TMEM132B: variants seen among roughly 807,000 people sequenced by gnomAD.
TMEM132B encodes transmembrane protein 132B.
TMEM132B carries 18 observed loss-of-function variants against 90.8 expected under a neutral mutation model. That is an observed-to-expected ratio of 0.20 (90% CI 0.14 to 0.29). The LOEUF (loss-of-function observed/expected upper bound fraction) is 0.29, where lower values mean the gene tolerates loss of function less well. Ranked by LOEUF, TMEM132B falls within the 10% of genes least tolerant of loss-of-function variation. TMEM132B has a pLI of 1.00. For missense variants in TMEM132B, 1,096 were observed against 1,326.8 expected, an observed-to-expected ratio of 0.83 and a Z score of 2.70; for synonymous variants, 504 against 523.3, an observed-to-expected ratio of 0.96 and a Z score of 0.50.
At chr12:125,509,448 C>T (rs1882925399) in intron 3 of TMEM132B, among the ~76,000 whole-genome samples, 1 of 152,172 alleles carries the variant, frequency 6.6e-6, no homozygotes, top group South Asian at 2.1e-4. Flanking sequence ...AGGAGAACAA[C>T]TAGGCCTCTC....
chr12:125,648,267 T>A (rs541300281), intron 6 of TMEM132B, among the ~76,000 whole-genome samples: 2 of 152,032 alleles, frequency 1.3e-5, no homozygotes, highest in African/African-American at 4.8e-5. Context: ...TATTCCATGG[T>A]GTATATGTGC....
chr12:125,576,906 G>A (rs1038336889), intron 4 of TMEM132B, among the ~76,000 whole-genome samples: 1 of 150,878 alleles, frequency 6.6e-6, no homozygotes, highest in East Asian at 1.9e-4. Flanking sequence ...GGGGGGTGGG[G>A]TTGGCATCTA....
chr12:125,589,269 T>G (rs1050345965), intron 5 of TMEM132B, among the ~76,000 whole-genome samples: 4 of 151,760 alleles, frequency 2.6e-5, no homozygotes, highest in African/African-American at 9.7e-5. Flanking sequence ...GATCACGAGG[T>G]CAGGAGATCG....
chr12:125,523,879 T>C (rs984087586), intron 4 of TMEM132B, among the ~76,000 whole-genome samples: 1 of 152,224 alleles, frequency 6.6e-6, no homozygotes, highest in Non-Finnish European at 1.5e-5. Flanking sequence ...TCATTGTGCT[T>C]GGCTCTTCCA....
At chr12:125,509,759 G>T (rs112266949) in intron 3 of TMEM132B, among the ~76,000 whole-genome samples, 1,802 of 152,234 alleles carry the variant, frequency 0.012, 12 homozygotes, top group Middle Eastern at 0.034. Context: ...CAGACCCCCA[G>T]TTCCAATCTG....
At chr12:125,294,548 C>G (rs12815275) in intron 1 of TMEM132B, among the ~76,000 whole-genome samples, 1 of 152,316 alleles carries the variant, frequency 6.6e-6, no homozygotes, top group East Asian at 1.9e-4. Flanking sequence ...ATTATGGCTG[C>G]CACTGAAGGT....
At chr12:125,228,088 C>T (rs1873721784) in intron 1 of TMEM132B, among the ~76,000 whole-genome samples, 1 of 152,196 alleles carries the variant, frequency 6.6e-6, no homozygotes, top group African/African-American at 2.4e-5. Flanking sequence ...CTCAGATCTG[C>T]TTCTGGGGGA....
chr12:125,322,901 G>A (rs1488661167), intron 1 of TMEM132B, among the ~76,000 whole-genome samples: 1 of 148,288 alleles, frequency 6.7e-6, no homozygotes, highest in Non-Finnish European at 1.5e-5. Context: ...TATATATGCT[G>A]TATATGTTTC....
intron 2 of TMEM132B, among the ~76,000 whole-genome samples, chr12:125,361,361 G>T (rs767548113): frequency 1.3e-5 from 2 of 152,014 alleles, no homozygotes; most frequent in Non-Finnish European, 2.9e-5. Flanking sequence ...AACCCAGATC[G>T]GCCCACTTCA....
At chr12:125,558,627 T>C (rs996546692) in intron 4 of TMEM132B, among the ~76,000 whole-genome samples, 1 of 152,224 alleles carries the variant, frequency 6.6e-6, no homozygotes, top group Non-Finnish European at 1.5e-5. Context: ...AAAAATTGAC[T>C]GAAGTACTTA....
intron 4 of TMEM132B, among the ~76,000 whole-genome samples, chr12:125,571,120 G>T (rs536846359): frequency 5.9e-5 from 9 of 152,228 alleles, no homozygotes; most frequent in African/African-American, 1.9e-4. Context: ...AAATGCGATT[G>T]TTAGGTTTGT....
At chr12:125,365,891 A>G (rs1211244353) in intron 2 of TMEM132B, among the ~76,000 whole-genome samples, 2 of 152,052 alleles carry the variant, frequency 1.3e-5, no homozygotes, top group Non-Finnish European at 2.9e-5. Flanking sequence ...TCTTCTAGCT[A>G]TTTGGAAATA....
At chr12:125,627,849 C>G (rs1048458769) in intron 5 of TMEM132B, among the ~76,000 whole-genome samples, 1 of 152,128 alleles carries the variant, frequency 6.6e-6, no homozygotes, top group Admixed American at 6.6e-5. Flanking sequence ...AACCATCCTT[C>G]CACTATCTTC....
At chr12:125,491,937 C>T (rs557868028) in intron 3 of TMEM132B, among the ~76,000 whole-genome samples, 2 of 152,136 alleles carry the variant, frequency 1.3e-5, no homozygotes, top group Non-Finnish European at 2.9e-5. Flanking sequence ...ATGGAAATGC[C>T]GATATCCTTC....
At chr12:125,241,961 A>G (rs1874079213) in intron 1 of TMEM132B, among the ~76,000 whole-genome samples, 2 of 152,338 alleles carry the variant, frequency 1.3e-5, no homozygotes, top group African/African-American at 2.4e-5. Context: ...TGGCAAGTCC[A>G]CTCAGTTCTG....
At chr12:125,537,790 A>G (rs1883847850) in intron 4 of TMEM132B, among the ~76,000 whole-genome samples, 1 of 152,184 alleles carries the variant, frequency 6.6e-6, no homozygotes, top group South Asian at 2.1e-4. Flanking sequence ...TGGGTCCTAG[A>G]GCCAGGCCAA....
chr12:125,379,392 AC>A (rs1402996601), intron 2 of TMEM132B, among the ~76,000 whole-genome samples: 3 of 152,212 alleles, frequency 2.0e-5, no homozygotes, highest in African/African-American at 7.2e-5. Flanking sequence ...GGAAGGGGCC[AC>A]AAGCCAAGGA....
chr12:125,311,625 C>A (rs1364282872), intron 1 of TMEM132B, among the ~76,000 whole-genome samples: 1 of 152,222 alleles, frequency 6.6e-6, no homozygotes, highest in African/African-American at 2.4e-5. Flanking sequence ...TTGCTTCTCT[C>A]ATGCTTATCT....
At chr12:125,339,478 C>T (rs773740656) in intron 1 of TMEM132B, among the ~76,000 whole-genome samples, 1 of 152,228 alleles carries the variant, frequency 6.6e-6, no homozygotes, top group Non-Finnish European at 1.5e-5. Flanking sequence ...AAAAGGGCTG[C>T]AAGCAAGAGG....
Sources: allele counts gnomAD v4.1 joint callset (sites outside exome capture counted in the v4.1 genomes callset), GRCh38; gene constraint gnomAD v4.1.1; transcripts MANE v1.5; gene names NCBI Gene and HGNC (gene_info 2026-07-23, HGNC 2026-07-21).